SYNPR: variants seen among roughly 807,000 people sequenced by gnomAD.
SYNPR encodes the protein synaptoporin.
In SYNPR, 23 loss-of-function variants were observed where a neutral mutation model predicts 32.9. The ratio of observed to expected loss-of-function variants is 0.70; its 90% CI spans 0.50 to 0.99. The LOEUF is 0.99. SYNPR is among the 50% of genes least tolerant of loss of function. SYNPR has a pLI of 0.00. For synonymous variants in SYNPR, 146 were observed against 135.9 expected, an observed-to-expected ratio of 1.07 and a Z score of -0.52; for missense variants, 318 against 349.3, an observed-to-expected ratio of 0.91 and a Z score of 0.71.
intron 2 of SYNPR, among the ~76,000 whole-genome samples, chr3:63,453,972 AC>A (rs1700431024): frequency 6.6e-6 from 1 of 152,136 alleles, no homozygotes; most frequent in African/African-American, 2.4e-5. Flanking sequence ...GTAGATAGAA[AC>A]CTATTTAGAA....
intron 3 of SYNPR, among the ~76,000 whole-genome samples, chr3:63,502,564 C>T (rs1311229341): frequency 6.6e-6 from 1 of 152,172 alleles, no homozygotes; most frequent in Non-Finnish European, 1.5e-5. Context: ...CCCTCACCAC[C>T]TCCAACCTCT....
At chr3:63,294,088 TC>T (rs773032090) in intron 2 of SYNPR, among the ~76,000 whole-genome samples, 9 of 152,240 alleles carry the variant, frequency 5.9e-5, no homozygotes, top group Non-Finnish European at 1.0e-4. Context: ...AATTTTAATG[TC>T]TATATGTGAT....
At chr3:63,525,099 A>C (rs1701988422) in intron 3 of SYNPR, among the ~76,000 whole-genome samples, 1 of 152,140 alleles carries the variant, frequency 6.6e-6, no homozygotes, top group Admixed American at 6.6e-5. Context: ...AAAAAAGGCC[A>C]AAAATAGTGC....
chr3:63,436,885 G>C (rs9865192), intron 2 of SYNPR, among the ~76,000 whole-genome samples: 22,706 of 151,896 alleles, frequency 0.15, 1,822 homozygotes, highest in East Asian at 0.32. Context: ...CCTTTCCTTT[G>C]TTTCTTTTTG....
chr3:63,438,794 G>T (rs1451822622), intron 2 of SYNPR, among the ~76,000 whole-genome samples: 1 of 152,188 alleles, frequency 6.6e-6, no homozygotes, highest in African/African-American at 2.4e-5. Flanking sequence ...GGATGTAAGT[G>T]CTCTCACTGC....
chr3:63,561,212 G>T (rs1702683333), intron 4 of SYNPR, among the ~76,000 whole-genome samples: 1 of 152,160 alleles, frequency 6.6e-6, no homozygotes, highest in Non-Finnish European at 1.5e-5. Flanking sequence ...TAAAGTTAAT[G>T]TTGTAGGGAA....
chr3:63,510,558 A>T (rs1046989210), intron 3 of SYNPR, among the ~76,000 whole-genome samples: 5 of 152,180 alleles, frequency 3.3e-5, no homozygotes, highest in Admixed American at 3.3e-4. Flanking sequence ...CATGCAACCC[A>T]CTGCAATTTT....
At chr3:63,419,997 T>C (rs1283091717) in intron 2 of SYNPR, among the ~76,000 whole-genome samples, 2 of 152,194 alleles carry the variant, frequency 1.3e-5, no homozygotes, top group Non-Finnish European at 2.9e-5. Flanking sequence ...ATCTACCTAG[T>C]AGTAAATCTA....
At chr3:63,260,378 G>C (rs139046271) in intron 2 of SYNPR, among the ~76,000 whole-genome samples, 1,994 of 152,188 alleles carry the variant, frequency 0.013, 38 homozygotes, top group African/African-American at 0.045. Flanking sequence ...CAGAGATATA[G>C]ACCAATGGAA....
chr3:63,252,167 T>G (rs17031718), intron 1 of SYNPR, among the ~76,000 whole-genome samples: 2,416 of 152,274 alleles, frequency 0.016, 52 homozygotes, highest in African/African-American at 0.054. Flanking sequence ...TGTATTCTAT[T>G]TGCAGAAAAA....
intron 3 of SYNPR, among the ~76,000 whole-genome samples, chr3:63,495,270 G>T (rs1476420874): frequency 3.3e-5 from 5 of 152,216 alleles, no homozygotes; most frequent in Admixed American, 6.5e-5. Flanking sequence ...ATTCCAAAGG[G>T]TTTAATGCTA....
chr3:63,486,159 T>A (rs527355299), intron 3 of SYNPR, among the ~76,000 whole-genome samples: 1 of 152,300 alleles, frequency 6.6e-6, no homozygotes, highest in East Asian at 1.9e-4. Flanking sequence ...TCCACCTACC[T>A]TGGCCCCCAA....
chr3:63,323,949 T>C (rs2087137858), intron 2 of SYNPR, among the ~76,000 whole-genome samples: 1 of 152,128 alleles, frequency 6.6e-6, no homozygotes, highest in Admixed American at 6.6e-5. Context: ...TTGCCCAACT[T>C]GCACAATAAG....
chr3:63,556,829 C>T, intron 4 of SYNPR, 88 bp downstream of exon 4: 5 of 1,273,228 alleles, frequency 3.9e-6, no homozygotes, highest in Non-Finnish European at 4.3e-6. Context: ...TACCTGAGCC[C>T]TCGGGTTAGG....
intron 3 of SYNPR, among the ~76,000 whole-genome samples, chr3:63,540,045 C>T (rs779871897): frequency 1.1e-4 from 16 of 152,150 alleles, no homozygotes; most frequent in Non-Finnish European, 1.2e-4. Context: ...TCAATATCTA[C>T]AGGAGCTACC....
At chr3:63,393,505 T>TTTTTG in intron 2 of SYNPR, among the ~76,000 whole-genome samples, 1 of 139,114 alleles carries the variant, frequency 7.2e-6, no homozygotes, top group African/African-American at 2.8e-5. Flanking sequence ...TCTTTTTTTT[T>TTTTTG]TTTTTTTTTT....
intron 2 of SYNPR, among the ~76,000 whole-genome samples, chr3:63,330,990 A>G (rs1560194364): frequency 6.6e-6 from 1 of 152,154 alleles, no homozygotes; most frequent in Non-Finnish European, 1.5e-5. Flanking sequence ...TATCCTCTAG[A>G]CCTAGTTCAC....
chr3:63,563,197 G>A lies in SYNPR; in HGVS notation c.408+6456G>A, dbSNP rs143118759. ...TTATCCCCAAGTCGCCAAGGATAGA[G>A]CTTAACTCAGGACTACTTGTAAGAT... On this transcript the variant is annotated intron_variant, in intron 4 of 5. Transcript: ENST00000478300. Among the ~76,000 whole-genome samples, 3 of 152,256 alleles carry A rather than the reference G, an allele frequency of 2.0e-5. No individual in the cohort carries two copies. In the East Asian group the frequency reaches 5.8e-4, roughly 29 times the overall value.
chr3:63,245,756 T>A, intron 1 of SYNPR, among the ~76,000 whole-genome samples: 1 of 137,918 alleles, frequency 7.3e-6, no homozygotes, highest in African/African-American at 2.7e-5. Context: ...TGTGTGTGTG[T>A]GTGTGTGTGT....
Sources: allele counts gnomAD v4.1 joint callset (sites outside exome capture counted in the v4.1 genomes callset), GRCh38; gene constraint gnomAD v4.1.1; transcripts MANE v1.5; gene names NCBI Gene and HGNC (gene_info 2026-07-23, HGNC 2026-07-21).